GPHN: variants seen among roughly 807,000 people sequenced by gnomAD.
GPHN encodes gephyrin.
A neutral mutation model predicts 95.5 loss-of-function variants in GPHN; 17 were observed. The ratio of observed to expected loss-of-function variants is 0.18; its 90% CI spans 0.12 to 0.27. The LOEUF (loss-of-function observed/expected upper bound fraction) is 0.27. Among genes scored for constraint, GPHN ranks in the 10% least tolerant of loss-of-function variants. The pLI is 1.00. For synonymous variants in GPHN, 320 were observed against 322.5 expected (o/e 0.99, Z 0.08); for missense variants, 660 against 978.1 (o/e 0.67, Z 4.34).
chr14:66,712,936 T>C (rs2153423150), intron 2 of GPHN, among the ~76,000 whole-genome samples: 1 of 152,346 alleles, frequency 6.6e-6, no homozygotes, highest in South Asian at 2.1e-4. Flanking sequence ...TGCCCATTGG[T>C]ATATCTTCTT....
intron 1 of GPHN, among the ~76,000 whole-genome samples, chr14:66,526,835 A>G (rs1332738578): frequency 1.3e-5 from 2 of 152,148 alleles, no homozygotes; most frequent in Non-Finnish European, 2.9e-5. Context: ...TGACTTGATC[A>G]TGGTGGAAAA....
At chr14:67,592,330 C>T in the GPHN span, 1 of 432,220 alleles carries the variant, frequency 2.3e-6, no homozygotes, top group South Asian at 2.2e-5. Flanking sequence ...GTCCCAAGTT[C>T]TCAGGAGGCT....
At chr14:67,375,228 A>T in the GPHN span, among the ~76,000 whole-genome samples, 2 of 134,876 alleles carry the variant, frequency 1.5e-5, no homozygotes, top group African/African-American at 2.9e-5. Flanking sequence ...CTACATCCTC[A>T]GTTCTGTGTG....
chr14:67,344,250 C>T, the GPHN span, among the ~76,000 whole-genome samples: 1 of 152,206 alleles, frequency 6.6e-6, no homozygotes, highest in Non-Finnish European at 1.5e-5. Context: ...TTCTCCTAAA[C>T]TTTCCCATAA....
chr14:67,715,651 C>T, the GPHN span, among the ~76,000 whole-genome samples: 2 of 152,114 alleles, frequency 1.3e-5, no homozygotes, highest in Admixed American at 6.5e-5. Flanking sequence ...CAAGTTCGTT[C>T]TTTTTGTAAG....
At chr14:66,935,505 T>TTA (rs60032779) in intron 8 of GPHN, among the ~76,000 whole-genome samples, 27,763 of 149,988 alleles carry the variant, frequency 0.19, 2,975 homozygotes, top group Non-Finnish European at 0.25. Context: ...GTGTGTGTTT[T>TTA]TATATATATA....
the GPHN span, among the ~76,000 whole-genome samples, chr14:67,391,577 G>A: frequency 6.6e-6 from 1 of 152,186 alleles, no homozygotes; most frequent in African/African-American, 2.4e-5. Flanking sequence ...TCCGAGTAAC[G>A]ATGGGAGTGG....
intron 2 of GPHN, among the ~76,000 whole-genome samples, chr14:66,737,249 C>T (rs1331738835): frequency 2.6e-5 from 4 of 151,774 alleles, no homozygotes; most frequent in Admixed American, 1.3e-4. Flanking sequence ...TCTTTTTCCC[C>T]TTCCCTTTCC....
At chr14:66,546,461 T>C (rs2059601736) in intron 1 of GPHN, among the ~76,000 whole-genome samples, 1 of 152,096 alleles carries the variant, frequency 6.6e-6, no homozygotes, top group African/African-American at 2.4e-5. Context: ...ATCACGCCAC[T>C]GCACTCCAGC....
intron 5 of GPHN, among the ~76,000 whole-genome samples, chr14:66,880,882 A>G (rs1009215753): frequency 1.3e-5 from 2 of 152,040 alleles, no homozygotes; most frequent in Non-Finnish European, 2.9e-5. Flanking sequence ...TAAGTTAAAG[A>G]TAGAAGTGTC....
intron 16 of GPHN, among the ~76,000 whole-genome samples, chr14:67,119,576 G>T (rs1252963221): frequency 6.6e-6 from 1 of 152,062 alleles, no homozygotes; most frequent in Non-Finnish European, 1.5e-5. Context: ...GATCACCTGA[G>T]GTCAGGAGTT....
At chr14:66,835,814 C>A (rs1294270032) in intron 4 of GPHN, among the ~76,000 whole-genome samples, 1 of 151,922 alleles carries the variant, frequency 6.6e-6, no homozygotes, top group Non-Finnish European at 1.5e-5. Flanking sequence ...AGACAGAGAG[C>A]CAAATCGTGA....
chr14:67,392,737 G>T, the GPHN span: 1 of 1,614,168 alleles, frequency 6.2e-7, no homozygotes, highest in Non-Finnish European at 8.5e-7. Flanking sequence ...CCATGCTTCG[G>T]ACACCCACAG....
chr14:67,712,879 A>T, the GPHN span, among the ~76,000 whole-genome samples: 38 of 152,150 alleles, frequency 2.5e-4, no homozygotes, highest in Non-Finnish European at 3.4e-4. Context: ...AGTAATCAAA[A>T]TAAAAAAATG....
the GPHN span, among the ~76,000 whole-genome samples, chr14:67,546,386 T>C: frequency 7.8e-4 from 118 of 152,054 alleles, no homozygotes; most frequent in African/African-American, 2.7e-3. Context: ...TACATGTGTT[T>C]TTTGTTTTGT....
At chr14:67,330,184 T>C in the GPHN span, among the ~76,000 whole-genome samples, 8 of 150,040 alleles carry the variant, frequency 5.3e-5, no homozygotes, top group African/African-American at 1.9e-4. Flanking sequence ...AAAGGAATAA[T>C]CAGACACTTT....
chr14:67,141,874 T>C (rs1164422540), intron 17 of GPHN, among the ~76,000 whole-genome samples: 1 of 152,208 alleles, frequency 6.6e-6, no homozygotes, highest in Non-Finnish European at 1.5e-5. Context: ...TCTCATCAAA[T>C]AGTGCATTAA....
chr14:67,672,506 C>G, the GPHN span, among the ~76,000 whole-genome samples: 1 of 140,400 alleles, frequency 7.1e-6, no homozygotes, highest in African/African-American at 2.6e-5. Context: ...AGTTCAGTGG[C>G]ATGATCTCGG....
At chr14:67,019,512 T>C (rs187084203) in intron 9 of GPHN, among the ~76,000 whole-genome samples, 1 of 152,318 alleles carries the variant, frequency 6.6e-6, no homozygotes, top group Admixed American at 6.5e-5. Context: ...AGCAGCAAAA[T>C]AGGCAATTTT....
Sources: allele counts gnomAD v4.1 joint callset (sites outside exome capture counted in the v4.1 genomes callset), GRCh38; gene constraint gnomAD v4.1.1; transcripts MANE v1.5; gene names NCBI Gene and HGNC (gene_info 2026-07-23, HGNC 2026-07-21).